Variants in IKZF2 observed in about 807,000 individuals in gnomAD.
The protein encoded by IKZF2 is IKAROS family zinc finger 2.
In IKZF2, 15 loss-of-function variants were observed where a neutral mutation model predicts 49.2. That is an observed-to-expected ratio of 0.30 (90% CI 0.20 to 0.47). IKZF2 has a LOEUF of 0.47. Ranked by LOEUF, IKZF2 falls within the 20% of genes least tolerant of loss-of-function variation. IKZF2 has a pLI of 1.00. For missense variants in IKZF2, 567 were observed against 664.6 expected (o/e 0.85, Z 1.61); for synonymous variants, 227 against 221.4 (o/e 1.03, Z -0.23).
intron 4 of IKZF2, chr2:213,081,306 G>A (rs1379506141): frequency 6.5e-6 from 1 of 154,342 alleles, no homozygotes; most frequent in Non-Finnish European, 1.5e-5. Flanking sequence ...TATGTCATTA[G>A]TAGATTCAAT....
intron 4 of IKZF2, among the ~76,000 whole-genome samples, chr2:213,085,821 C>T (rs1382779066): frequency 1.3e-5 from 2 of 152,140 alleles, no homozygotes; most frequent in African/African-American, 4.8e-5. Flanking sequence ...AGCAGGTCTC[C>T]TTTCTCGATT....
chr2:213,040,243 G>GTT (rs34629514), intron 6 of IKZF2, among the ~76,000 whole-genome samples: 6 of 141,574 alleles, frequency 4.2e-5, no homozygotes, highest in African/African-American at 1.6e-4. Context: ...TGTGTCATGG[G>GTT]TTTTTTTTTT....
rs532007366 is a variant in IKZF2 at position 213,102,779 on chromosome 2, A to AT, written c.139+44928dup. On this transcript the variant is annotated intron_variant, in intron 4 of 8. Transcript: ENST00000434687. ...GTCATATTTCCAGCTGTACCAGAAA[A>AT]TTTTTTTAAAAAGAAGTGCTTCCTC... Among the ~76,000 whole-genome samples the AT allele has an allele frequency of 1.5e-4, 23 of 152,114 alleles. No homozygotes were observed. The South Asian group carries it at 4.8e-3, about 32-fold the overall frequency.
At chr2:213,079,012 G>C (rs1703590706) in intron 4 of IKZF2, among the ~76,000 whole-genome samples, 1 of 152,132 alleles carries the variant, frequency 6.6e-6, no homozygotes, top group African/African-American at 2.4e-5. Flanking sequence ...CTTAAATACA[G>C]CATTTGTTGT....
Position 213,147,760 on chromosome 2 carries a change from G to A in IKZF2, c.87C>T (p.Leu29=), listed in dbSNP as rs565273965. ...EREHSNMAID[L]TSSTPNGQHA... ...GCTGTCCATTGGGTGTGCTTGAGGT[G>A]AGGTCAATTGCCATATTGGAGTGCT... The change falls in exon 4 of 9, where the codon CTC becomes CTT. Residue 29 remains leucine (L), a synonymous_variant. Transcript: ENST00000434687. The A allele has an allele frequency of 1.2e-6, 2 of 1,614,014 alleles. No homozygotes were observed. The highest frequency in any genetic ancestry group is 2.2e-5 in the South Asian group (2 of 91,088).
At chr2:213,021,285 ATT>A (rs920214456) in intron 7 of IKZF2, among the ~76,000 whole-genome samples, 8 of 152,088 alleles carry the variant, frequency 5.3e-5, no homozygotes, top group Admixed American at 2.6e-4. Flanking sequence ...ATAAGTTGAG[ATT>A]TTTGTCTTTG....
intron 6 of IKZF2, among the ~76,000 whole-genome samples, chr2:213,045,352 T>C (rs1335793521): frequency 6.6e-6 from 1 of 152,234 alleles, no homozygotes; most frequent in Non-Finnish European, 1.5e-5. Context: ...ACACTAGGTA[T>C]GAAGCAATGA....
chr2:213,144,834 T>C (rs2060992065), intron 4 of IKZF2, among the ~76,000 whole-genome samples: 1 of 151,956 alleles, frequency 6.6e-6, no homozygotes. Context: ...CATTATAAAA[T>C]GTTAGGATCA....
chr2:213,105,378 A>C (rs578074761), intron 4 of IKZF2, among the ~76,000 whole-genome samples: 12 of 152,132 alleles, frequency 7.9e-5, no homozygotes, highest in African/African-American at 2.7e-4. Flanking sequence ...AATACACCAG[A>C]GGTTTTGGGG....
intron 7 of IKZF2, chr2:213,021,606 G>A (rs991780401): frequency 1.1e-5 from 4 of 348,840 alleles, no homozygotes; most frequent in Middle Eastern, 3.8e-4. Context: ...TTAAAGGGCC[G>A]ATTGGAGAAA....
intron 6 of IKZF2, among the ~76,000 whole-genome samples, chr2:213,022,755 C>T (rs901341754): frequency 6.6e-6 from 1 of 151,924 alleles, no homozygotes; most frequent in African/African-American, 2.4e-5. Flanking sequence ...TTTATAATAC[C>T]AAGAATTAAC....
At chr2:213,050,641 C>A (rs12694292) in intron 5 of IKZF2, among the ~76,000 whole-genome samples, 86,732 of 151,820 alleles carry the variant, frequency 0.57, 25,663 homozygotes, top group East Asian at 0.76. Flanking sequence ...TTTTGTGAAA[C>A]TTATTATTTG....
At chr2:213,041,809 G>A (rs1029157591) in intron 6 of IKZF2, among the ~76,000 whole-genome samples, 5 of 152,168 alleles carry the variant, frequency 3.3e-5, no homozygotes, top group African/African-American at 1.2e-4. Context: ...TTGGCACTGT[G>A]AAGACTCAAT....
intron 4 of IKZF2, among the ~76,000 whole-genome samples, chr2:213,124,248 GCGCGCACACACACACACACACACA>G (rs1249200802): frequency 6.1e-5 from 7 of 115,486 alleles, no homozygotes; most frequent in African/African-American, 1.9e-4. Flanking sequence ...GCTCGCGCGC[GCGCGCACACACACACACACACACA>G]CACACACACA....
rs1359655485 is a variant in IKZF2, at chr2:213,007,292, T to G, written c.*68A>C. 2.5e-5 allele frequency: 37 copies of G among 1,477,660 alleles called. No individual in the cohort carries two copies. The highest frequency in any genetic ancestry group is 1.4e-5 in the Non-Finnish European group (15 of 1,093,986). 91.5% of individuals were successfully genotyped at this position (1,477,660 alleles called of 1,614,324 possible). A position where few individuals can be genotyped will look rare whatever the true frequency, so the allele number is the denominator to read the frequency against. ...TGTCAACATTTGAGGAAAGGTGGGA[T>G]TGTAAGTGCAGTATTTCTTCATGTG... On this transcript the variant is annotated 3_prime_UTR_variant, in exon 9 of 9. Coordinates refer to ENST00000434687, the MANE Select transcript of IKZF2 (RefSeq NM_001387220.1).
chr2:213,037,957 A>T (rs1357530424), intron 6 of IKZF2, among the ~76,000 whole-genome samples: 1 of 151,810 alleles, frequency 6.6e-6, no homozygotes, highest in East Asian at 1.9e-4. Context: ...ATTATGAATG[A>T]GCTGCACTGG....
intron 4 of IKZF2, among the ~76,000 whole-genome samples, chr2:213,101,370 G>T (rs1195027309): frequency 6.6e-6 from 1 of 151,978 alleles, no homozygotes; most frequent in African/African-American, 2.4e-5. Context: ...TTCTTTCAGA[G>T]GTCAAATTAA....
intron 4 of IKZF2, among the ~76,000 whole-genome samples, chr2:213,071,319 T>G (rs184712585): frequency 2.6e-5 from 4 of 152,040 alleles, no homozygotes; most frequent in Admixed American, 2.6e-4. Flanking sequence ...AAACACAAGC[T>G]CATTTACTAA....
intron 4 of IKZF2, among the ~76,000 whole-genome samples, chr2:213,134,747 A>T (rs2060594140): frequency 6.6e-6 from 1 of 152,202 alleles, no homozygotes; most frequent in African/African-American, 2.4e-5. Flanking sequence ...TTATTGCCAC[A>T]TTCCTCATCA....
Sources: gnomAD v4.1 joint callset for allele counts (sites outside exome capture counted in the v4.1 genomes callset) on GRCh38, gnomAD v4.1.1 for gene constraint, MANE v1.5 for transcripts, NCBI Gene and HGNC (gene_info 2026-07-23, HGNC 2026-07-21) for gene names.